Variants in CLRN1 observed in about 807,000 individuals in gnomAD.
The protein encoded by CLRN1 is clarin 1, also known as clarin-1.
A neutral mutation model predicts 18.7 loss-of-function variants in CLRN1; 15 were observed. That is an observed-to-expected ratio of 0.80 (90% CI 0.54 to 1.23). CLRN1 has a LOEUF of 1.23. Ranked by LOEUF, CLRN1 falls within the 50% of genes most tolerant of loss-of-function variation. The probability of loss-of-function intolerance (pLI) is 0.00; values close to 1 mark genes in which losing one functional copy is unlikely to be tolerated. For synonymous variants in CLRN1, 104 were observed against 102.9 expected, an observed-to-expected ratio of 1.01 and a Z score of -0.07; for missense variants, 311 against 277.5, an observed-to-expected ratio of 1.12 and a Z score of -0.86.
intron 1 of CLRN1, among the ~76,000 whole-genome samples, chr3:150,948,463 G>T (rs979488705): frequency 8.1e-6 from 1 of 123,074 alleles, no homozygotes; most frequent in Admixed American, 9.6e-5. Context: ...CAGCCTGGGC[G>T]ACAGAGCGAG....
At chr3:150,953,899 T>C (rs528484276) in intron 1 of CLRN1, among the ~76,000 whole-genome samples, 1 of 152,216 alleles carries the variant, frequency 6.6e-6, no homozygotes, top group African/African-American at 2.4e-5. Flanking sequence ...CCTTAATGTA[T>C]AGATTTCAAA....
chr3:150,958,174 T>C (rs561476867), intron 1 of CLRN1, among the ~76,000 whole-genome samples: 101 of 152,326 alleles, frequency 6.6e-4, no homozygotes, highest in South Asian at 1.2e-3. Context: ...ATATTCCCTC[T>C]CAACTTTTTC....
intron 1 of CLRN1, among the ~76,000 whole-genome samples, chr3:150,954,277 C>T (rs1714632145): frequency 2.6e-5 from 4 of 152,216 alleles, no homozygotes. Context: ...CCTACTTGTT[C>T]CACATTCTGG....
intron 2 of CLRN1, among the ~76,000 whole-genome samples, chr3:150,941,178 C>CATATATATATATAT (rs57988194): frequency 7.5e-6 from 1 of 132,882 alleles, no homozygotes; most frequent in African/African-American, 2.8e-5. Context: ...CTATCTCTTT[C>CATATATATATATAT]ATATATATAT....
intron 1 of CLRN1, among the ~76,000 whole-genome samples, chr3:150,954,186 C>T (rs1262054137): frequency 6.6e-6 from 1 of 152,190 alleles, no homozygotes; most frequent in Non-Finnish European, 1.5e-5. Flanking sequence ...CCCCCAGGTC[C>T]TATGTGTAAC....
chr3:150,958,142 A>G (rs772832849), intron 1 of CLRN1, among the ~76,000 whole-genome samples: 1 of 152,234 alleles, frequency 6.6e-6, no homozygotes, highest in Non-Finnish European at 1.5e-5. Flanking sequence ...TGATCAAATT[A>G]AACATGATTA....
At chr3:150,962,206 A>G (rs1715069341) in intron 1 of CLRN1, among the ~76,000 whole-genome samples, 1 of 152,178 alleles carries the variant, frequency 6.6e-6, no homozygotes, top group African/African-American at 2.4e-5. Context: ...TGCCACAGTT[A>G]CAGCATGCTG....
intron 1 of CLRN1, among the ~76,000 whole-genome samples, chr3:150,946,418 C>A (rs144800926): frequency 6.6e-6 from 1 of 152,198 alleles, no homozygotes; most frequent in African/African-American, 2.4e-5. Context: ...TGTGTCTAGG[C>A]AGAGACTATT....
intron 1 of CLRN1, 112 bp downstream of exon 1, chr3:150,972,344 C>A: frequency 7.2e-7 from 1 of 1,389,432 alleles, no homozygotes; most frequent in East Asian, 2.4e-5. Context: ...TGGTTCACAC[C>A]GATTTAAAAA....
At chr3:150,928,239 C>G in intron 2 of CLRN1, 38 bp from the exon 3 acceptor site, 1 of 1,612,150 alleles carries the variant, frequency 6.2e-7, no homozygotes, top group South Asian at 1.1e-5. Flanking sequence ...ACAAATATTT[C>G]CTGATTGTAA....
chr3:150,957,082 G>A (rs1311564210), intron 1 of CLRN1, among the ~76,000 whole-genome samples: 1 of 152,036 alleles, frequency 6.6e-6, no homozygotes, highest in Non-Finnish European at 1.5e-5. Flanking sequence ...TCCTGTCCAA[G>A]GCTGGCCCTT....
chr3:150,957,697 C>T (rs1007886994), intron 1 of CLRN1, among the ~76,000 whole-genome samples: 14 of 152,130 alleles, frequency 9.2e-5, no homozygotes, highest in African/African-American at 2.4e-4. Context: ...CTCGCTCTGT[C>T]GCCCAGGCTG....
intron 1 of CLRN1, among the ~76,000 whole-genome samples, 187 bp from the exon 2 acceptor site, chr3:150,941,948 G>A (rs1035138448): frequency 6.6e-6 from 1 of 152,158 alleles, no homozygotes; most frequent in African/African-American, 2.4e-5. Context: ...ATTTTATAGA[G>A]TTTACCAGTA....
chr3:150,959,323 G>A (rs1274541674), intron 1 of CLRN1, among the ~76,000 whole-genome samples: 1 of 152,130 alleles, frequency 6.6e-6, no homozygotes, highest in Non-Finnish European at 1.5e-5. Flanking sequence ...CACATGTCAA[G>A]TAATGTTATT....
intron 1 of CLRN1, among the ~76,000 whole-genome samples, chr3:150,961,287 T>C (rs1338373258): frequency 2.6e-5 from 4 of 152,182 alleles, no homozygotes; most frequent in Non-Finnish European, 5.9e-5. Context: ...TGGCTGCACA[T>C]TAGAGTCCCT....
At position 150,969,311 on chromosome 3, in the gene CLRN1, A is replaced by AT. The variant is rs1715416631; in HGVS notation, c.253+3144dup. 1.8e-3 allele frequency among the ~76,000 whole-genome samples: 109 copies of AT among 59,856 alleles called. 1 individual carries two copies. The highest frequency in any genetic ancestry group is 2.9e-3 in the South Asian group (4 of 1,366). The allele number at this position is 59,856 out of a possible 152,430, so 39.3% of individuals were successfully genotyped here. A position where few individuals can be genotyped will look rare whatever the true frequency, so the allele number is the denominator to read the frequency against. ...GCTTGTAATATATATATATATATAT[A>AT]TATTTTTTTTTTTTTTTTTTTTTTT... is the stretch of plus-strand genomic sequence containing the variant. On this transcript the variant is annotated intron_variant, in intron 1 of 2. Coordinates refer to ENST00000327047, the MANE Select transcript of CLRN1 (RefSeq NM_174878.3).
intron 1 of CLRN1, among the ~76,000 whole-genome samples, chr3:150,965,572 G>A (rs976042732): frequency 3.3e-5 from 5 of 152,128 alleles, no homozygotes; most frequent in African/African-American, 1.2e-4. Context: ...GGGAAGATGA[G>A]TCACCTTCAG....
intron 1 of CLRN1, chr3:150,943,998 C>A: frequency 8.2e-7 from 1 of 1,225,342 alleles, no homozygotes; most frequent in Non-Finnish European, 1.2e-6. Context: ...TAGCCTGCAT[C>A]AACAACAAGA....
intron 1 of CLRN1, among the ~76,000 whole-genome samples, chr3:150,955,220 G>A (rs1245481186): frequency 2.0e-5 from 3 of 152,228 alleles, no homozygotes; most frequent in African/African-American, 7.2e-5. Context: ...CAGATCAGTG[G>A]TTGCCAAGGG....
Sources: allele counts gnomAD v4.1 joint callset (sites outside exome capture counted in the v4.1 genomes callset), GRCh38; gene constraint gnomAD v4.1.1; transcripts MANE v1.5; gene names NCBI Gene and HGNC (gene_info 2026-07-23, HGNC 2026-07-21).